MAP2K6: variants seen among roughly 807,000 people sequenced by gnomAD.
MAP2K6 encodes the protein dual specificity mitogen-activated protein kinase kinase 6.
A neutral mutation model predicts 53.7 loss-of-function variants in MAP2K6; 16 were observed. The ratio of observed to expected loss-of-function variants is 0.30; its 90% CI spans 0.20 to 0.45. MAP2K6 has a LOEUF of 0.45. Among genes scored for constraint, MAP2K6 ranks in the 20% least tolerant of loss-of-function variants. The pLI, the probability that MAP2K6 is intolerant of heterozygous loss-of-function variation, is 1.00. For synonymous variants in MAP2K6, 132 were observed against 143.1 expected (o/e 0.92, Z 0.55); for missense variants, 204 against 411.9 (o/e 0.50, Z 4.37).
intron 1 of MAP2K6, among the ~76,000 whole-genome samples, chr17:69,443,782 G>A (rs78145644): frequency 1.3e-5 from 2 of 152,280 alleles, no homozygotes; most frequent in South Asian, 4.1e-4. Flanking sequence ...TAAGTTGGTA[G>A]GGGGAGAGGT....
intron 1 of MAP2K6, among the ~76,000 whole-genome samples, chr17:69,479,100 G>A (rs886486378): frequency 1.3e-5 from 2 of 152,260 alleles, no homozygotes; most frequent in Admixed American, 1.3e-4. Context: ...ATGTGGTTGT[G>A]TAAACACTCA....
intron 1 of MAP2K6, among the ~76,000 whole-genome samples, chr17:69,495,989 T>C (rs1274406799): frequency 6.6e-6 from 1 of 152,048 alleles, no homozygotes; most frequent in African/African-American, 2.4e-5. Flanking sequence ...AGAACATAAC[T>C]CAGGGCATTG....
chr17:69,490,878 C>T (rs1049651808), intron 1 of MAP2K6, among the ~76,000 whole-genome samples: 4 of 152,024 alleles, frequency 2.6e-5, no homozygotes, highest in Non-Finnish European at 2.9e-5. Context: ...CCTCCTTCCA[C>T]CCTCTGATAG....
intron 1 of MAP2K6, among the ~76,000 whole-genome samples, chr17:69,458,750 T>A (rs1460442577): frequency 6.6e-6 from 1 of 152,238 alleles, no homozygotes; most frequent in Non-Finnish European, 1.5e-5. Context: ...TTTGTTAGCA[T>A]CTGTGGCCTT....
rs913642927 is a variant in MAP2K6, at chr17:69,542,601, G to T, written c.*848G>T. On this transcript the variant is annotated 3_prime_UTR_variant, in exon 12 of 12. Coordinates refer to ENST00000590474, the MANE Select transcript of MAP2K6 (RefSeq NM_002758.4). Reference sequence around the variant, plus strand: ...CACCTACCTATTCATCTACCTGTGTGTATGTGTGTGTTTGTGTGTCTATTT... The same window carrying T: ...CACCTACCTATTCATCTACCTGTGTTTATGTGTGTGTTTGTGTGTCTATTT... The T allele has an allele frequency of 1.3e-5, 2 of 152,200 alleles. No homozygotes were observed. Among genetic ancestry groups the T allele is most frequent in the Non-Finnish European group, 2.9e-5 (2 of 68,036 alleles). The allele number at this position is 152,200 out of a possible 1,614,324, so 9.4% of individuals were successfully genotyped here. A position where few individuals can be genotyped will look rare whatever the true frequency, so the allele number is the denominator to read the frequency against.
intron 1 of MAP2K6, among the ~76,000 whole-genome samples, chr17:69,456,861 A>T (rs1008758552): frequency 1.3e-5 from 2 of 151,976 alleles, no homozygotes; most frequent in East Asian, 3.9e-4. Flanking sequence ...TCTTCCTACA[A>T]CACATCTGTC....
At chr17:69,467,208 A>G (rs992050363) in intron 1 of MAP2K6, among the ~76,000 whole-genome samples, 2 of 152,250 alleles carry the variant, frequency 1.3e-5, no homozygotes, top group African/African-American at 4.8e-5. Flanking sequence ...AAGGCAAAGA[A>G]TATGGAATTA....
intron 1 of MAP2K6, among the ~76,000 whole-genome samples, chr17:69,463,070 G>A (rs1240832349): frequency 6.7e-6 from 1 of 150,074 alleles, no homozygotes; most frequent in Non-Finnish European, 1.5e-5. Flanking sequence ...ATTTGACACT[G>A]CTGCCCCTGC....
At chr17:69,532,148 A>C (rs927029874) in intron 10 of MAP2K6, among the ~76,000 whole-genome samples, 2 of 152,178 alleles carry the variant, frequency 1.3e-5, no homozygotes, top group Non-Finnish European at 2.9e-5. Flanking sequence ...TGTCTGACTC[A>C]GGGAAACTAG....
chr17:69,532,177 A>G (rs1251201593), intron 10 of MAP2K6, among the ~76,000 whole-genome samples: 3 of 152,218 alleles, frequency 2.0e-5, no homozygotes, highest in Non-Finnish European at 4.4e-5. Context: ...ACAGACAGTC[A>G]AATACAGTCT....
intron 1 of MAP2K6, among the ~76,000 whole-genome samples, chr17:69,425,457 C>T (rs562727500): frequency 2.4e-3 from 359 of 152,160 alleles, no homozygotes; most frequent in African/African-American, 7.6e-3. Context: ...GGATTACAGG[C>T]GCCCACCACC....
chr17:69,519,654 G>A (rs993762529), intron 5 of MAP2K6: 6 of 503,774 alleles, frequency 1.2e-5, no homozygotes, highest in African/African-American at 6.0e-5. Context: ...GGAGTTTCTC[G>A]TCTCCTTTCT....
rs530898189 is a variant in MAP2K6 at position 69,550,188 on chromosome 17, C to T, written c.*8435C>T. The T allele has an allele frequency of 5.9e-5, 9 of 152,170 alleles. No individual in the cohort carries two copies. The South Asian group carries it at 1.7e-3, about 28-fold the overall frequency. 9.4% of individuals were successfully genotyped at this position (152,170 alleles called of 1,614,324 possible). ...AGTGTTATTGATTTGAAAGAGTTAC[C>T]TTTTCAGACAGATGGCTGAACAAAA... On this transcript the variant is annotated 3_prime_UTR_variant, in exon 12 of 12. Transcript: ENST00000590474.
intron 1 of MAP2K6, among the ~76,000 whole-genome samples, chr17:69,485,770 C>T (rs924845700): frequency 2.6e-5 from 4 of 152,150 alleles, no homozygotes; most frequent in Non-Finnish European, 5.9e-5. Context: ...TCCCTTGGGA[C>T]ACTGCTTCAT....
intron 1 of MAP2K6, among the ~76,000 whole-genome samples, chr17:69,456,565 GTGT>G (rs1054223019): frequency 1.3e-5 from 2 of 152,140 alleles, no homozygotes; most frequent in Non-Finnish European, 2.9e-5. Flanking sequence ...GGAGGGTGAG[GTGT>G]TGTTGTGTAC....
chr17:69,431,498 C>G (rs1906460240), intron 1 of MAP2K6, among the ~76,000 whole-genome samples: 2 of 152,074 alleles, frequency 1.3e-5, no homozygotes, highest in Admixed American at 1.3e-4. Context: ...ATAAATATAT[C>G]TGGACTATGA....
At chr17:69,484,530 G>A (rs192142611) in intron 1 of MAP2K6, among the ~76,000 whole-genome samples, 1 of 152,098 alleles carries the variant, frequency 6.6e-6, no homozygotes, top group Admixed American at 6.6e-5. Context: ...GTTCAGGAAA[G>A]GTTAAATATA....
At chr17:69,498,286 GACAAACAA>G (rs10610312) in intron 1 of MAP2K6, among the ~76,000 whole-genome samples, 8 of 151,582 alleles carry the variant, frequency 5.3e-5, no homozygotes, top group South Asian at 4.2e-4. Flanking sequence ...GGTAAAACAA[GACAAACAA>G]ACAAACAAAC....
At chr17:69,478,433 A>C (rs2145188938) in intron 1 of MAP2K6, among the ~76,000 whole-genome samples, 1 of 152,004 alleles carries the variant, frequency 6.6e-6, no homozygotes, top group African/African-American at 2.4e-5. Flanking sequence ...TTCATGTTTT[A>C]CTTTCTTTCT....
Sources: gnomAD v4.1 joint callset for allele counts (sites outside exome capture counted in the v4.1 genomes callset) on GRCh38, gnomAD v4.1.1 for gene constraint, MANE v1.5 for transcripts, NCBI Gene and HGNC (gene_info 2026-07-23, HGNC 2026-07-21) for gene names.